Variants in TMEM242 observed in about 807,000 individuals in gnomAD.
TMEM242 encodes transmembrane protein 242.
In TMEM242, 10 loss-of-function variants were observed where a neutral mutation model predicts 18.2. The ratio of observed to expected loss-of-function variants is 0.55; its 90% confidence interval spans 0.34 to 0.93. The LOEUF (loss-of-function observed/expected upper bound fraction) is 0.93. TMEM242 is among the 40% of genes least tolerant of loss of function. The probability of loss-of-function intolerance (pLI) is 0.02; values close to 1 mark genes in which losing one functional copy is unlikely to be tolerated. For synonymous variants in TMEM242, 57 were observed against 69.9 expected (o/e 0.81, Z 0.92); for missense variants, 186 against 175.5 (o/e 1.06, Z -0.34).
rs1467509542 is a variant in TMEM242 at position 157,318,817 on chromosome 6, T to G, written c.292A>C (p.Ser98Arg). The stretch of plus-strand genomic sequence containing the variant: ...CCTAAAGCTTTCCAGACTGCGAAGC[T>G]AATCACACCAACCCCACACCATGCA... The part of the protein sequence containing the change: ...LYAWCGVGVI[S>R]FAVWKALGVH... The change falls in exon 3 of 4, where the codon AGC becomes CGC. Residue 98 changes from serine (S) to arginine (R), a missense_variant. Physicochemically the swap from Ser to Arg is moderately radical, Grantham distance 110. Coordinates refer to ENST00000400788, the MANE Select transcript of TMEM242 (RefSeq NM_018452.6). 6.2e-7 allele frequency: 1 copy of G among 1,613,948 alleles called. No homozygotes were observed. Among genetic ancestry groups the G allele is most frequent in the African/African-American group, 1.3e-5 (1 of 74,930 alleles).
intron 3 of TMEM242, among the ~76,000 whole-genome samples, chr6:157,294,531 T>C (rs1368483621): frequency 1.3e-5 from 2 of 151,562 alleles, no homozygotes; most frequent in Non-Finnish European, 2.9e-5. Context: ...TTTGTATTTT[T>C]AGTAGAGACG....
Position 157,299,410 on chromosome 6 carries a change from T to C in TMEM242, c.328-6411A>G, listed in dbSNP as rs587605549. Reference sequence around the variant, plus strand: ...CACCAGCTATGTTCACTCCACTCCATACAGGAACACTTGAGTCTCCATGCT... The same window carrying C: ...CACCAGCTATGTTCACTCCACTCCACACAGGAACACTTGAGTCTCCATGCT... On this transcript the variant is annotated intron_variant, in intron 3 of 3. Transcript: ENST00000400788. The C allele has an allele frequency of 2.7e-4, 348 of 1,275,968 alleles. 4 individuals carry two copies. The highest frequency in any genetic ancestry group is 5.8e-4 in the Admixed American group (34 of 58,290). 79.0% of individuals were successfully genotyped at this position (1,275,968 alleles called of 1,614,324 possible). A position where few individuals can be genotyped will look rare whatever the true frequency, so the allele number is the denominator to read the frequency against.
At position 157,322,617 on chromosome 6, in the gene TMEM242, G is replaced by A. The variant is rs587724420; in HGVS notation, c.189+88C>T. ...ATTCACATCTTAAAGCAATGTGAAA[G>A]ACCATCAATATTTTATTTTTTCTAC... On this transcript the variant is annotated intron_variant, in intron 2 of 3. Transcript: ENST00000400788. The A allele has an allele frequency of 4.6e-6, 5 of 1,076,548 alleles. No individual in the cohort carries two copies. In the South Asian group the frequency reaches 6.3e-5, roughly 14 times the overall value. The allele number at this position is 1,076,548 out of a possible 1,614,324, so 66.7% of individuals were successfully genotyped here. A position where few individuals can be genotyped will look rare whatever the true frequency, so the allele number is the denominator to read the frequency against.
At position 157,290,299 on chromosome 6, in the gene TMEM242, A is replaced by G. The variant is rs1186958136; in HGVS notation, c.*2602T>C. 1.3e-5 allele frequency: 2 copies of G among 152,206 alleles called. No individual in the cohort carries two copies. The highest frequency in any genetic ancestry group is 2.4e-5 in the African/African-American group (1 of 41,450). 9.4% of individuals were successfully genotyped at this position (152,206 alleles called of 1,614,324 possible). On this transcript the variant is annotated 3_prime_UTR_variant, in exon 4 of 4. Coordinates refer to ENST00000400788, the MANE Select transcript of TMEM242 (RefSeq NM_018452.6). The stretch of plus-strand genomic sequence containing the variant: ...GCCTGCGTTATCCATCCTTTAAAGC[A>G]TTTCTAGTGCTCAGCCTCCATGAAA...
At chr6:157,312,744 AC>A (rs1778214290) in intron 3 of TMEM242, among the ~76,000 whole-genome samples, 1 of 95,688 alleles carries the variant, frequency 1.0e-5, no homozygotes, top group East Asian at 3.2e-4. Flanking sequence ...GTGTGCGCTC[AC>A]CTGGCCTCAT....
At chr6:157,320,339 CTTAAA>C (rs1778471811) in intron 2 of TMEM242, among the ~76,000 whole-genome samples, 1 of 152,050 alleles carries the variant, frequency 6.6e-6, no homozygotes, top group Non-Finnish European at 1.5e-5. Context: ...CTATGAAATT[CTTAAA>C]TTATATTAGT....
chr6:157,310,821 C>A (rs1554248462), intron 3 of TMEM242, among the ~76,000 whole-genome samples: 2 of 146,842 alleles, frequency 1.4e-5, no homozygotes, highest in South Asian at 2.2e-4. Context: ...AGTGTGCACT[C>A]ACCCGGCCTC....
chr6:157,310,177 A>C (rs1355924687), intron 3 of TMEM242, among the ~76,000 whole-genome samples: 1 of 152,220 alleles, frequency 6.6e-6, no homozygotes, highest in East Asian at 1.9e-4. Context: ...ATAAATAATA[A>C]AAGGTAAACA....
At chr6:157,310,116 G>C (rs1554248218) in intron 3 of TMEM242, among the ~76,000 whole-genome samples, 1 of 152,152 alleles carries the variant, frequency 6.6e-6, no homozygotes, top group Non-Finnish European at 1.5e-5. Flanking sequence ...AGGTAGTCTA[G>C]CTATAAATAA....
At chr6:157,306,158 G>A (rs1554247898) in intron 3 of TMEM242, among the ~76,000 whole-genome samples, 1 of 152,216 alleles carries the variant, frequency 6.6e-6, no homozygotes, top group Admixed American at 6.5e-5. Context: ...GGCAGGGTGG[G>A]CCTCTGGCAG....
At chr6:157,300,547 C>T (rs1315459670) in intron 3 of TMEM242, among the ~76,000 whole-genome samples, 1 of 152,204 alleles carries the variant, frequency 6.6e-6, no homozygotes, top group Non-Finnish European at 1.5e-5. Context: ...GGGCGCTGTG[C>T]TTTGCATACG....
chr6:157,295,346 T>C (rs587687690), intron 3 of TMEM242, among the ~76,000 whole-genome samples: 41 of 152,348 alleles, frequency 2.7e-4, no homozygotes, highest in African/African-American at 4.1e-4. Flanking sequence ...CTGAGGAACT[T>C]TGCATAGACT....
intron 3 of TMEM242, among the ~76,000 whole-genome samples, chr6:157,314,937 C>T (rs1014767989): frequency 5.9e-5 from 9 of 152,160 alleles, no homozygotes; most frequent in African/African-American, 2.2e-4. Context: ...TTAGATGGCA[C>T]CCTTTTGTAT....
intron 2 of TMEM242, among the ~76,000 whole-genome samples, chr6:157,321,012 CTTTTTTTTTTTT>C (rs1181386580): frequency 2.9e-5 from 3 of 102,078 alleles, no homozygotes; most frequent in Non-Finnish European, 6.3e-5. Context: ...TTTTTTTTTT[CTTTTTTTTTTTT>C]TTGAGACGGA....
rs587760941 is a variant in TMEM242, at chr6:157,292,037, G to GCTTT, written c.*860_*863dup. On this transcript the variant is annotated 3_prime_UTR_variant, in exon 4 of 4. Coordinates refer to ENST00000400788, the MANE Select transcript of TMEM242 (RefSeq NM_018452.6). Reference sequence around the variant, plus strand: ...CGTGCACACAGAATTTACCCTAACAGCTTTGTTAGGGAGGTGGTCCCAAAT... The same window carrying GCTTT: ...CGTGCACACAGAATTTACCCTAACAGCTTTCTTTGTTAGGGAGGTGGTCCCAAAT... 1 of 152,288 alleles carries GCTTT rather than the reference G, an allele frequency of 6.6e-6. No individual in the cohort carries two copies. The highest frequency in any genetic ancestry group is 2.1e-4 in the South Asian group (1 of 4,824). The allele number at this position is 152,288 out of a possible 1,614,324, so 9.4% of individuals were successfully genotyped here.
At chr6:157,313,888 A>C (rs1554249978) in intron 3 of TMEM242, among the ~76,000 whole-genome samples, 2 of 151,596 alleles carry the variant, frequency 1.3e-5, no homozygotes, top group African/African-American at 2.4e-5. Context: ...ACAGTGCCCC[A>C]GTGTGCGCTC....
At chr6:157,301,963 A>T (rs1777836502) in intron 3 of TMEM242, among the ~76,000 whole-genome samples, 2 of 152,160 alleles carry the variant, frequency 1.3e-5, no homozygotes, top group Admixed American at 1.3e-4. Flanking sequence ...GTCCAGGAGG[A>T]GAGGAACAAT....
rs142420522 is a variant in TMEM242, at chr6:157,305,472, A to G, written c.328-12473T>C. 2.0e-3 allele frequency among the ~76,000 whole-genome samples: 308 copies of G among 152,260 alleles called. 3 individuals carry two copies. The highest frequency in any genetic ancestry group is 7.0e-3 in the African/African-American group (290 of 41,550). ...TGACACGCCTATGAGGGCGTGTCAT[A>G]TTGTGAGGGCACACAATATGAAGCA... is the stretch of plus-strand genomic sequence containing the variant. On this transcript the variant is annotated intron_variant, in intron 3 of 3. Coordinates refer to ENST00000400788, the MANE Select transcript of TMEM242 (RefSeq NM_018452.6). The surrounding 1 kb of genome is among the most constrained non-coding windows in gnomAD (Gnocchi z 4.1).
intron 3 of TMEM242, chr6:157,300,080 G>A (rs1442243784): frequency 9.8e-6 from 7 of 711,786 alleles, no homozygotes; most frequent in South Asian, 3.3e-5. Context: ...CGCTCCTGCC[G>A]AGCTCACTCT....
Sources: allele counts gnomAD v4.1 joint callset (sites outside exome capture counted in the v4.1 genomes callset), GRCh38; gene constraint gnomAD v4.1.1; non-coding constraint Gnocchi (gnomAD v3.1); transcripts MANE v1.5; gene names NCBI Gene and HGNC (gene_info 2026-07-23, HGNC 2026-07-21).